MYBPC2: variants seen among roughly 807,000 people sequenced by gnomAD.
The protein encoded by MYBPC2 is myosin binding protein C2.
MYBPC2 carries 122 observed loss-of-function variants against 137.0 expected under a neutral mutation model. The ratio of observed to expected loss-of-function variants is 0.89; its 90% CI spans 0.77 to 1.03. MYBPC2 has a LOEUF of 1.03. Among genes scored for constraint, MYBPC2 ranks in the 50% least tolerant of loss-of-function variants. The pLI is 0.00. For synonymous variants in MYBPC2, 626 were observed against 612.3 expected (o/e 1.02, Z -0.33); for missense variants, 1,500 against 1,534.4 (o/e 0.98, Z 0.37).
intron 22 of MYBPC2, 42 bp from the exon 23 acceptor site, chr19:50,459,069 G>A: frequency 6.4e-7 from 1 of 1,558,124 alleles, no homozygotes; most frequent in Non-Finnish European, 8.7e-7. Context: ...TTTTGCGGGT[G>A]GAGCCCCGCT....
Position 50,435,172 on chromosome 19 carries a change from G to A in MYBPC2, c.31G>A (p.Ala11Thr). MPEAKPAAKK[A>T]PKGKDAPKGA... is the part of the protein sequence containing the mutation. Reference sequence around the variant, plus strand: ...CCCCTACCTTACAGCGGCCAAAAAGGCCCCCAAAGGCAAAGATGCCCCCAA... The same window carrying A: ...CCCCTACCTTACAGCGGCCAAAAAGACCCCCAAAGGCAAAGATGCCCCCAA... The change falls in exon 2 of 28, where the codon GCC (alanine) becomes ACC (threonine). Residue 11 changes from alanine (A) to threonine (T), a missense_variant. Transcript: ENST00000357701. The surrounding 1 kb of genome is among the most constrained non-coding windows in gnomAD (Gnocchi z 4.8). The A allele has an allele frequency of 7.5e-7, 1 of 1,333,488 alleles. No homozygotes were observed. The highest frequency in any genetic ancestry group is 1.1e-6 in the Non-Finnish European group (1 of 929,404). 82.6% of individuals were successfully genotyped at this position (1,333,488 alleles called of 1,614,324 possible).
intron 8 of MYBPC2, 51 bp downstream of exon 8, chr19:50,441,127 C>A (rs2039750796): frequency 2.0e-6 from 3 of 1,492,042 alleles, no homozygotes; most frequent in Admixed American, 4.9e-5. Flanking sequence ...GGACCCCTAG[C>A]CTTGTGGGTG....
At chr19:50,458,881 C>A (rs1467534344) in intron 21 of MYBPC2, 37 bp from the exon 22 acceptor site, 1 of 1,597,782 alleles carries the variant, frequency 6.3e-7, no homozygotes, top group South Asian at 1.1e-5. Flanking sequence ...GCGCCCCGGC[C>A]CCCCGCTGAG....
At chr19:50,441,735 G>A (rs1162284740) in intron 8 of MYBPC2, among the ~76,000 whole-genome samples, 1 of 152,080 alleles carries the variant, frequency 6.6e-6, no homozygotes, top group Non-Finnish European at 1.5e-5. Context: ...AGCAACTTGG[G>A]AGGCTGAGGC....
In MYBPC2 at chr19:50,466,174, C is replaced by G. The variant is rs372135079; in HGVS notation, c.3416-21C>G. 1.9e-6 allele frequency: 3 copies of G among 1,613,560 alleles called. No homozygotes were observed. The highest frequency in any genetic ancestry group is 2.7e-5 in the African/African-American group (2 of 74,882). ...GAGGCGTGCCCGGGCCTGGCTCACC[C>G]GCTTTCTCGTTTTCCTGCAGTGCCG... On this transcript the variant is annotated intron_variant, in intron 27 of 27. Transcript: ENST00000357701. The surrounding 1 kb of genome is among the most constrained non-coding windows in gnomAD (Gnocchi z 4.9).
Position 50,432,944 on chromosome 19 carries a change from G to A in MYBPC2, c.-10G>A. 6.2e-7 allele frequency: 1 copy of A among 1,606,672 alleles called. No homozygotes were observed. The highest frequency in any genetic ancestry group is 8.5e-7 in the Non-Finnish European group (1 of 1,177,762). On this transcript the variant is annotated 5_prime_UTR_variant, in exon 1 of 28. Transcript: ENST00000357701. The surrounding 1 kb of genome is among the most constrained non-coding windows in gnomAD (Gnocchi z 5.5). ...GCTGCGGTCAGAGGAGCAGGAGGAG[G>A]TCCCCCGACATGCCTGAGGCAAAAC...
chr19:50,454,063 T>C lies in MYBPC2; in HGVS notation c.1793T>C (p.Val598Ala). The change falls in exon 17 of 28, where the codon GTG becomes GCG. Residue 598 changes from valine to alanine, a missense_variant. Coordinates refer to ENST00000357701, the MANE Select transcript of MYBPC2 (RefSeq NM_004533.4). Reference protein sequence around the residue: ...TEGRTRIEKRVDCSSFVIESA... With the variant: ...TEGRTRIEKRADCSSFVIESA... Reference sequence around the variant, plus strand: ...GGCAGGACCCGCATCGAGAAGCGGGTGGACTGCAGCAGCTTTGTGATTGAG... The same window carrying C: ...GGCAGGACCCGCATCGAGAAGCGGGCGGACTGCAGCAGCTTTGTGATTGAG... 6.2e-7 allele frequency: 1 copy of C among 1,606,582 alleles called. No individual in the cohort carries two copies. Among genetic ancestry groups the C allele is most frequent in the Non-Finnish European group, 8.5e-7 (1 of 1,177,192 alleles).
At chr19:50,442,384 T>G in intron 9 of MYBPC2, 71 bp downstream of exon 9, 3 of 1,552,096 alleles carry the variant, frequency 1.9e-6, no homozygotes, top group Non-Finnish European at 2.6e-6. Context: ...AGACAAGGCC[T>G]ATCACTCTTA....
chr19:50,437,323 G>A, intron 5 of MYBPC2, 150 bp from the exon 6 acceptor site: 2 of 812,104 alleles, frequency 2.5e-6, no homozygotes, highest in Non-Finnish European at 2.0e-6. Context: ...TAGAACTAGA[G>A]GATGCCCAGG....
chr19:50,440,323 A>AAAATAAAAT (rs140643143), intron 7 of MYBPC2, among the ~76,000 whole-genome samples: 2,002 of 139,084 alleles, frequency 0.014, 37 homozygotes, highest in African/African-American at 0.042. Flanking sequence ...CTGTGGAAAT[A>AAAATAAAAT]AAATAAATAA....
At position 50,450,763 on chromosome 19, in the gene MYBPC2, G is replaced by A. The variant is rs746344331; in HGVS notation, c.1473-66G>A. The A allele has an allele frequency of 6.0e-5, 70 of 1,160,066 alleles. No homozygotes were observed. In the African/African-American group the frequency reaches 6.1e-4, roughly 10 times the overall value. 71.9% of individuals were successfully genotyped at this position (1,160,066 alleles called of 1,614,324 possible). A position where few individuals can be genotyped will look rare whatever the true frequency, so the allele number is the denominator to read the frequency against. On this transcript the variant is annotated intron_variant, in intron 13 of 27. Transcript: ENST00000357701. ...TGCACTGAGGGAAGCTGATTGAGGCGGTGCAGCCCCATAGTGGTCCCATTG... is the reference window on the plus strand; with the variant it reads ...TGCACTGAGGGAAGCTGATTGAGGCAGTGCAGCCCCATAGTGGTCCCATTG...
In MYBPC2 at chr19:50,444,633, C is replaced by T. The variant is rs560873830; in HGVS notation, c.1133+817C>T. Among the ~76,000 whole-genome samples the T allele has an allele frequency of 6.3e-4, 96 of 152,106 alleles. 1 individual carries two copies. The highest frequency in any genetic ancestry group is 1.2e-3 in the Non-Finnish European group (84 of 67,990). ...CGGTGGCTCACGCCTGTAATCCTAG[C>T]ACTTTGGGAGGCCGAGACGGGCGGA... On this transcript the variant is annotated intron_variant, in intron 11 of 27. Coordinates refer to ENST00000357701, the MANE Select transcript of MYBPC2 (RefSeq NM_004533.4).
Position 50,435,625 on chromosome 19 carries a change from C to A in MYBPC2, c.110-151C>A. The A allele has an allele frequency of 1.4e-6, 1 of 696,914 alleles. No homozygotes were observed. The highest frequency in any genetic ancestry group is 2.0e-5 in the South Asian group (1 of 49,152). The allele number at this position is 696,914 out of a possible 1,614,324, so 43.2% of individuals were successfully genotyped here. ...GCCACGAGGGTGACAGGTGGCCTTT[C>A]CCAGGTCAGGAAAAGCCATTTAACC... On this transcript the variant is annotated intron_variant, in intron 2 of 27. Transcript: ENST00000357701. The surrounding 1 kb of genome is among the most constrained non-coding windows in gnomAD (Gnocchi z 4.8).
At position 50,435,082 on chromosome 19, in the gene MYBPC2, G is replaced by T; in HGVS notation, c.20-79G>T. 1.4e-6 allele frequency: 1 copy of T among 710,212 alleles called. No homozygotes were observed. Among genetic ancestry groups the T allele is most frequent in the Non-Finnish European group, 2.6e-6 (1 of 384,322 alleles). The allele number at this position is 710,212 out of a possible 1,614,324, so 44.0% of individuals were successfully genotyped here. On this transcript the variant is annotated intron_variant, in intron 1 of 27. Transcript: ENST00000357701. This position sits in a 1 kb window ranked among gnomAD's most constrained non-coding sequence, Gnocchi z 4.8. ...GGGTCTGAGGGAGGAGGGGCTGGGG[G>T]GTCTGGACTCCTGCGTCTGAGGGAG... is the stretch of plus-strand genomic sequence containing the variant.
chr19:50,452,981 C>T (rs1164994205), intron 16 of MYBPC2, among the ~76,000 whole-genome samples: 1 of 152,188 alleles, frequency 6.6e-6, no homozygotes, highest in African/African-American at 2.4e-5. Context: ...GTAAAATGGA[C>T]AGACTTGCTC....
At chr19:50,459,900 G>A (rs192353504) in intron 23 of MYBPC2, 140 bp from the exon 24 acceptor site, 13 of 1,234,030 alleles carry the variant, frequency 1.1e-5, no homozygotes, top group African/African-American at 1.5e-5. Context: ...AGACTGGGAT[G>A]GGGGAGGCCA....
intron 19 of MYBPC2, 53 bp from the exon 20 acceptor site, chr19:50,455,457 C>T: frequency 6.3e-7 from 1 of 1,587,208 alleles, no homozygotes; most frequent in Non-Finnish European, 8.6e-7. Context: ...CCCCTTCCTG[C>T]TGACCCCTGA....
chr19:50,438,985 T>C (rs904942777), intron 7 of MYBPC2, among the ~76,000 whole-genome samples: 2 of 152,156 alleles, frequency 1.3e-5, no homozygotes, highest in Non-Finnish European at 2.9e-5. Flanking sequence ...TTCCATTTAC[T>C]GATCAATTCT....
rs576702101 is a variant in MYBPC2 at position 50,459,195 on chromosome 19, G to A, written c.2680G>A (p.Asp894Asn). 6.2e-7 allele frequency: 1 copy of A among 1,609,670 alleles called. No homozygotes were observed. Among genetic ancestry groups the A allele is most frequent in the Non-Finnish European group, 8.5e-7 (1 of 1,179,140 alleles). The change falls in exon 23 of 28, where the codon GAC becomes AAC. Residue 894 changes from aspartate to asparagine, a missense_variant. By Grantham distance (23) the Asp-to-Asn change is conservative (BLOSUM62 1). Coordinates refer to ENST00000357701, the MANE Select transcript of MYBPC2 (RefSeq NM_004533.4). ...CGTGCACGTGCGGACCAGCGACTTC[G>A]ACACCGTGTTCTTCGTGCGCCAGGC... Reference protein sequence around the residue: ...SRVHVRTSDFDTVFFVRQAAR... With the variant: ...SRVHVRTSDFNTVFFVRQAAR...
Sources: gnomAD v4.1 joint callset for allele counts (sites outside exome capture counted in the v4.1 genomes callset) on GRCh38, gnomAD v4.1.1 for gene constraint, Gnocchi (gnomAD v3.1) non-coding constraint, MANE v1.5 for transcripts, NCBI Gene and HGNC (gene_info 2026-07-23, HGNC 2026-07-21) for gene names.